The following PKP2 variants were observed in gnomAD, a reference collection of about 807,000 sequenced individuals.
The protein encoded by PKP2 is plakophilin 2, also known as plakophilin-2.
In PKP2, 73 loss-of-function variants were observed where a neutral mutation model predicts 83.4. The observed-to-expected ratio is 0.88, with a 90% CI of 0.72 to 1.06. The LOEUF (loss-of-function observed/expected upper bound fraction) is 1.06. PKP2 is among the 50% of genes least tolerant of loss of function. The pLI is 0.00. For missense variants in PKP2, 966 were observed against 1,065.4 expected, an observed-to-expected ratio of 0.91 and a Z score of 1.30; for synonymous variants, 409 against 430.4, an observed-to-expected ratio of 0.95 and a Z score of 0.62.
intron 1 of PKP2, among the ~76,000 whole-genome samples, chr12:32,896,281 G>T (rs1218777019): frequency 6.6e-6 from 1 of 152,210 alleles, no homozygotes; most frequent in Non-Finnish European, 1.5e-5. Flanking sequence ...AACATTGATA[G>T]ATATGTACAA....
intron 12 of PKP2, 55 bp from the exon 13 acceptor site, chr12:32,792,547 A>G: frequency 6.4e-7 from 1 of 1,573,026 alleles, no homozygotes; most frequent in South Asian, 1.1e-5. Flanking sequence ...ACACAAGAAA[A>G]TGCAGTTTTT....
intron 11 of PKP2, among the ~76,000 whole-genome samples, chr12:32,795,485 A>G (rs952228937): frequency 6.6e-6 from 1 of 151,414 alleles, no homozygotes; most frequent in African/African-American, 2.4e-5. Context: ...GGCTCAAGTG[A>G]TTCTCAAACC....
intron 10 of PKP2, among the ~76,000 whole-genome samples, chr12:32,799,850 T>C (rs3850973): frequency 0.22 from 32,782 of 152,062 alleles, 4,126 homozygotes; most frequent in East Asian, 0.57. Context: ...TCAGGTGACA[T>C]GTGCACCAAC....
At chr12:32,822,379 C>T (rs1205644844) in intron 8 of PKP2, 88 bp downstream of exon 8, 7 of 1,114,748 alleles carry the variant, frequency 6.3e-6, no homozygotes, top group Non-Finnish European at 9.5e-6. Context: ...CCGATATATA[C>T]CAAGTACTTA....
chr12:32,846,275 T>A (rs1227290307), intron 5 of PKP2, among the ~76,000 whole-genome samples: 1 of 152,080 alleles, frequency 6.6e-6, no homozygotes, highest in African/African-American at 2.4e-5. Context: ...CCGTTCTCAT[T>A]TCAATTACGG....
At chr12:32,887,668 C>T (rs1024684529) in intron 1 of PKP2, among the ~76,000 whole-genome samples, 18 of 152,080 alleles carry the variant, frequency 1.2e-4, no homozygotes, top group African/African-American at 4.3e-4. Flanking sequence ...GCCAGGCTGG[C>T]CTCAAACTCC....
rs1374061939 is a variant in PKP2, at chr12:32,822,342, T to C, written c.1839+125A>G. On this transcript the variant is annotated intron_variant, in intron 8 of 12. Coordinates refer to ENST00000340811, the MANE Select transcript of PKP2 (RefSeq NM_001005242.3). ...TAATACACACTTCAAAAGGTTGATG[T>C]AAGAATTAAAATAACTTAAAATAGT... 6.1e-6 allele frequency: 5 copies of C among 814,412 alleles called. No homozygotes were observed. In the African/African-American group the frequency reaches 8.4e-5, roughly 14 times the overall value. 50.4% of individuals were successfully genotyped at this position (814,412 alleles called of 1,614,324 possible).
At chr12:32,808,055 T>C (rs1811603587) in intron 9 of PKP2, among the ~76,000 whole-genome samples, 2 of 152,216 alleles carry the variant, frequency 1.3e-5, no homozygotes, top group South Asian at 4.1e-4. Context: ...ATTTCCTGAA[T>C]TTGAATGTTG....
chr12:32,825,263 G>A (rs1956426549), intron 6 of PKP2, among the ~76,000 whole-genome samples: 1 of 151,030 alleles, frequency 6.6e-6, no homozygotes, highest in South Asian at 2.1e-4. Context: ...CCACCTCCCG[G>A]GTTCAAGCGA....
In PKP2 at chr12:32,796,259, T is replaced by TA; in HGVS notation, c.2206_2207insT (p.Asp736ValfsTer7). On this transcript the variant is annotated frameshift_variant, in exon 11 of 13. Transcript: ENST00000340811. LOFTEE classifies it high-confidence loss of function. ...GAGAAGGTCAGTACTCGGGACTGTG[T>TA]CAGGAATGATGGAAACCAAATCAGG... is the stretch of plus-strand genomic sequence containing the variant. 1 of 1,613,520 alleles carries TA rather than the reference T, an allele frequency of 6.2e-7. No individual in the cohort carries two copies. The highest frequency in any genetic ancestry group is 8.5e-7 in the Non-Finnish European group (1 of 1,179,870).
intron 9 of PKP2, among the ~76,000 whole-genome samples, chr12:32,809,060 T>C (rs1212158982): frequency 3.3e-5 from 5 of 152,190 alleles, no homozygotes; most frequent in Non-Finnish European, 7.4e-5. Flanking sequence ...GTGTGCTCTG[T>C]TGGGGAGGAC....
intron 1 of PKP2, among the ~76,000 whole-genome samples, chr12:32,893,021 A>T (rs1452132408): frequency 4.6e-5 from 7 of 152,206 alleles, no homozygotes; most frequent in Non-Finnish European, 1.0e-4. Flanking sequence ...CTTCCCAAAG[A>T]GTTACAGCCA....
At chr12:32,874,777 G>C (rs1956919364) in intron 3 of PKP2, among the ~76,000 whole-genome samples, 1 of 151,940 alleles carries the variant, frequency 6.6e-6, no homozygotes, top group African/African-American at 2.4e-5. Flanking sequence ...ATCTCATTCT[G>C]TTGCCCAGGC....
chr12:32,865,725 C>A (rs1371568685), intron 4 of PKP2, among the ~76,000 whole-genome samples: 2 of 142,246 alleles, frequency 1.4e-5, no homozygotes, highest in East Asian at 4.0e-4. Context: ...AATACACAGT[C>A]CAGAAATAGA....
At chr12:32,800,405 C>A (rs1224122103) in intron 10 of PKP2, among the ~76,000 whole-genome samples, 1 of 152,156 alleles carries the variant, frequency 6.6e-6, no homozygotes, top group Admixed American at 6.5e-5. Flanking sequence ...AATACCTGGA[C>A]CTGATTGACA....
rs794729105 is a variant in PKP2 at position 32,868,922 on chromosome 12, C to A, written c.1170+5G>T. ...GCTTTGCAATGGACTGAAGATGACA[C>A]TCACCCTCTTCCGAGCTTCAGATTT... On this transcript the variant is annotated splice_donor_5th_base_variant and intron_variant, in intron 4 of 12. Coordinates refer to ENST00000340811, the MANE Select transcript of PKP2 (RefSeq NM_001005242.3). 1 of 1,612,318 alleles carries A rather than the reference C, an allele frequency of 6.2e-7. No homozygotes were observed. The highest frequency in any genetic ancestry group is 8.5e-7 in the Non-Finnish European group (1 of 1,179,634).
intron 10 of PKP2, among the ~76,000 whole-genome samples, chr12:32,798,165 A>G (rs1956146916): frequency 7.0e-6 from 1 of 142,648 alleles, no homozygotes; most frequent in South Asian, 2.3e-4. Context: ...TCTCACTGCA[A>G]CCTCCGCCTC....
At chr12:32,802,352 AT>A (rs749340546) in intron 10 of PKP2, 50 bp downstream of exon 10, 2 of 1,551,982 alleles carry the variant, frequency 1.3e-6, no homozygotes, top group Admixed American at 3.3e-5. Context: ...ATTTCATTGC[AT>A]TGTATCTTCA....
At chr12:32,882,328 G>T (rs933365710) in intron 1 of PKP2, among the ~76,000 whole-genome samples, 3 of 152,088 alleles carry the variant, frequency 2.0e-5, no homozygotes, top group Non-Finnish European at 4.4e-5. Flanking sequence ...AAAACGGCAG[G>T]TGATGAAAGC....
Sources: gnomAD v4.1 joint callset for allele counts (sites outside exome capture counted in the v4.1 genomes callset) on GRCh38, gnomAD v4.1.1 for gene constraint, MANE v1.5 for transcripts, NCBI Gene and HGNC (gene_info 2026-07-23, HGNC 2026-07-21) for gene names.